CEBPE: variants seen among roughly 807,000 people sequenced by gnomAD.
The protein encoded by CEBPE is CCAAT/enhancer-binding protein epsilon.
A neutral mutation model predicts 20.4 loss-of-function variants in CEBPE; 10 were observed. That is an observed-to-expected ratio of 0.49 (90% CI 0.30 to 0.83). The LOEUF is 0.83. Among genes scored for constraint, CEBPE ranks in the 40% least tolerant of loss-of-function variants. The pLI, the probability that CEBPE is intolerant of heterozygous loss-of-function variation, is 0.06. For missense variants in CEBPE, 389 were observed against 383.3 expected (o/e 1.01, Z -0.12); for synonymous variants, 179 against 162.6 (o/e 1.10, Z -0.77).
In CEBPE at chr14:23,118,031, C is replaced by T. The variant is rs2048518277; in HGVS notation, c.511-209G>A. On this transcript the variant is annotated intron_variant, in intron 1 of 1. Transcript: ENST00000206513. The surrounding 1 kb of genome is among the most constrained non-coding windows in gnomAD (Gnocchi z 5.5). ...ATGCACAGGGTCCTCTGCTTGAGAC[C>T]AAAACTCCCTTTCATGTTCTCACAC... 6.6e-6 allele frequency among the ~76,000 whole-genome samples: 1 copy of T among 152,002 alleles called. No individual in the cohort carries two copies. Among genetic ancestry groups the T allele is most frequent in the Non-Finnish European group, 1.5e-5 (1 of 67,996 alleles).
Position 23,118,876 on chromosome 14 carries a change from G to A in CEBPE, c.216C>T (p.Pro72=), listed in dbSNP as rs200808733. 3.2e-5 allele frequency: 52 copies of A among 1,614,008 alleles called. No individual in the cohort carries two copies. Among genetic ancestry groups the A allele is most frequent in the Non-Finnish European group, 4.2e-5 (49 of 1,179,970 alleles). Residue 72 remains proline (P), a synonymous_variant, in exon 1 of 2, where the codon CCC becomes CCT. Transcript: ENST00000206513. This position sits in a 1 kb window ranked among gnomAD's most constrained non-coding sequence, Gnocchi z 5.5. ...AGTAGTGGGGGAAGGCAGGGGTTCC[G>A]GGGCCCTTGAGGCCTCTGGCCTCAG... is the stretch of plus-strand genomic sequence containing the variant. ...PAPEARGLKG[P]GTPAFPHYLP...
At chr14:23,117,891 G>T (rs746160407) in intron 1 of CEBPE, 69 bp from the exon 2 acceptor site, 130 of 1,287,054 alleles carry the variant, frequency 1.0e-4, no homozygotes, top group Middle Eastern at 2.5e-4. Flanking sequence ...GGCGGGGCGG[G>T]AATCTCGGCA....
Position 23,119,141 on chromosome 14 carries a change from C to T in CEBPE, c.-50G>A, listed in dbSNP as rs188219814. On this transcript the variant is annotated 5_prime_UTR_variant, in exon 1 of 2. Transcript: ENST00000206513. ...CGCCCCCACCTGCTCTTGAGGCACC[C>T]CTTGGGGTGCTCCGGCTGCCCTCTC... 7.5e-7 allele frequency: 1 copy of T among 1,324,804 alleles called. No individual in the cohort carries two copies. Among genetic ancestry groups the T allele is most frequent in the Non-Finnish European group, 1.0e-6 (1 of 954,990 alleles). The allele number at this position is 1,324,804 out of a possible 1,614,324, so 82.1% of individuals were successfully genotyped here.
In CEBPE at chr14:23,118,721, G is replaced by C. The variant is rs1383315220; in HGVS notation, c.371C>G (p.Pro124Arg). 1 of 1,613,414 alleles carries C rather than the reference G, an allele frequency of 6.2e-7. No individual in the cohort carries two copies. The highest frequency in any genetic ancestry group is 8.5e-7 in the Non-Finnish European group (1 of 1,179,870). ...DPRAVAVKEEPRGPEGSRAAS... is the reference protein window; with the variant it reads ...DPRAVAVKEERRGPEGSRAAS... ...AGCTCGGCTGCCCTCTGGCCCCCGG[G>C]GCTCCTCCTTCACCGCCACAGCCCT... Residue 124 changes from proline to arginine, a missense_variant, in exon 1 of 2, where the codon CCC becomes CGC. Around this residue, in one of 3 missense-constraint regions of CEBPE, gnomAD observed 294 missense variants for 279.7 expected, o/e 1.05. Coordinates refer to ENST00000206513, the MANE Select transcript of CEBPE (RefSeq NM_001805.4). This position sits in a 1 kb window ranked among gnomAD's most constrained non-coding sequence, Gnocchi z 5.5.
At position 23,117,781 on chromosome 14, in the gene CEBPE, CAGG is replaced by C. The variant is rs1326357258; in HGVS notation, c.549_551del (p.Leu184del). 6 of 1,611,810 alleles carry C rather than the reference CAGG, an allele frequency of 3.7e-6. No homozygotes were observed. The highest frequency in any genetic ancestry group is 5.1e-6 in the Non-Finnish European group (6 of 1,179,416). ...AGGGGCCAGCCGGGGAGGGCGCCTTCAGGAGGGGACTGCAGGGGGGTGCGGCAG... is the reference window on the plus strand; with the variant it reads ...AGGGGCCAGCCGGGGAGGGCGCCTTCAGGGGACTGCAGGGGGGTGCGGCAG... On this transcript the variant is annotated inframe_deletion, in exon 2 of 2. Coordinates refer to ENST00000206513, the MANE Select transcript of CEBPE (RefSeq NM_001805.4).
intron 1 of CEBPE, 97 bp from the exon 2 acceptor site, chr14:23,117,919 G>A: frequency 2.3e-6 from 2 of 882,956 alleles, no homozygotes; most frequent in African/African-American, 1.7e-5. Context: ...CACACTTGAT[G>A]CGTCAAAGGA....
Position 23,118,024 on chromosome 14 carries a change from T to C in CEBPE, c.511-202A>G, listed in dbSNP as rs964571530. On this transcript the variant is annotated intron_variant, in intron 1 of 1. Transcript: ENST00000206513. The surrounding 1 kb of genome is among the most constrained non-coding windows in gnomAD (Gnocchi z 5.5). ...GACCCAGATGCACAGGGTCCTCTGC[T>C]TGAGACCAAAACTCCCTTTCATGTT... Among the ~76,000 whole-genome samples the C allele has an allele frequency of 1.3e-5, 2 of 152,024 alleles. No homozygotes were observed. Among genetic ancestry groups the C allele is most frequent in the Admixed American group, 1.3e-4 (2 of 15,264 alleles).
At position 23,118,592 on chromosome 14, in the gene CEBPE, C is replaced by G. The variant is rs540261393; in HGVS notation, c.500G>C (p.Arg167Pro). 6.2e-7 allele frequency: 1 copy of G among 1,608,728 alleles called. No homozygotes were observed. ...CTGGCCTGCTCTTACCTTGAGAACG[C>G]GCAGAGGCTGGCCGGGTGCTGCCAG... ...PTLAAPGQPL[R>P]VLKAPLATAA... The change falls in exon 1 of 2, where the codon CGC becomes CCC. Residue 167 changes from arginine to proline, a missense_variant. Arg to Pro is a moderately radical substitution (Grantham distance 103). Around this residue, in one of 3 missense-constraint regions of CEBPE, gnomAD observed 294 missense variants for 279.7 expected, o/e 1.05. Transcript: ENST00000206513. The surrounding 1 kb of genome is among the most constrained non-coding windows in gnomAD (Gnocchi z 5.5).
chr14:23,117,580 C>T lies in CEBPE; in HGVS notation c.753G>A (p.Glu251=), dbSNP rs777380202. ...AENERLRSRV[E]QLTQELDTLR... ...GGGTGTCTAGCTCCTGGGTGAGCTG[C>T]TCCACGCGGCTGCGGAGGCGCTCGT... Residue 251 remains glutamate (E), a synonymous_variant, in exon 2 of 2, where the codon GAG becomes GAA. Transcript: ENST00000206513. The T allele has an allele frequency of 6.2e-7, 1 of 1,614,094 alleles. No individual in the cohort carries two copies. Among genetic ancestry groups the T allele is most frequent in the Non-Finnish European group, 8.5e-7 (1 of 1,180,038 alleles).
rs2048512864 is a variant in CEBPE at position 23,117,399 on chromosome 14, T to G, written c.*88A>C. On this transcript the variant is annotated 3_prime_UTR_variant, in exon 2 of 2. Transcript: ENST00000206513. Reference sequence around the variant, plus strand: ...GGTTGCCATTTATCCATGGTCTATGTCTCAGGGTTCTAGGCCCCCAGCAGG... The same window carrying G: ...GGTTGCCATTTATCCATGGTCTATGGCTCAGGGTTCTAGGCCCCCAGCAGG... The G allele has an allele frequency of 1.5e-5, 21 of 1,389,072 alleles. 1 individual carries two copies. The South Asian group carries it at 2.3e-4, about 15-fold the overall frequency. 86.0% of individuals were successfully genotyped at this position (1,389,072 alleles called of 1,614,324 possible). A position where few individuals can be genotyped will look rare whatever the true frequency, so the allele number is the denominator to read the frequency against.
rs1440739956 is a variant in CEBPE at position 23,117,607 on chromosome 14, C to T, written c.726G>A (p.Glu242=). Residue 242 remains glutamate (E), a synonymous_variant, in exon 2 of 2, where the codon GAG becomes GAA. Coordinates refer to ENST00000206513, the MANE Select transcript of CEBPE (RefSeq NM_001805.4). ...TQQKVLEYMA[E]NERLRSRVEQ... The stretch of plus-strand genomic sequence containing the variant: ...CCACGCGGCTGCGGAGGCGCTCGTT[C>T]TCTGCCATGTACTCCAGCACCTTCT... 2 of 1,614,184 alleles carry T rather than the reference C, an allele frequency of 1.2e-6. No individual in the cohort carries two copies. The highest frequency in any genetic ancestry group is 1.7e-5 in the Admixed American group (1 of 60,032).
Position 23,117,614 on chromosome 14 carries a change from A to T in CEBPE, c.719T>A (p.Met240Lys), listed in dbSNP as rs761948458. 6.2e-7 allele frequency: 1 copy of T among 1,614,154 alleles called. No homozygotes were observed. Among genetic ancestry groups the T allele is most frequent in the South Asian group, 1.1e-5 (1 of 91,086 alleles). The part of the protein sequence containing the change: ...LETQQKVLEY[M>K]AENERLRSRV... Reference sequence around the variant, plus strand: ...GCTGCGGAGGCGCTCGTTCTCTGCCATGTACTCCAGCACCTTCTGCTGCGT... The same window carrying T: ...GCTGCGGAGGCGCTCGTTCTCTGCCTTGTACTCCAGCACCTTCTGCTGCGT... The change falls in exon 2 of 2, where the codon ATG becomes AAG. Residue 240 changes from methionine (M) to lysine (K), a missense_variant. This residue lies in a region of CEBPE where 87 missense variants were observed against 78.5 expected (regional missense o/e 1.11). Coordinates refer to ENST00000206513, the MANE Select transcript of CEBPE (RefSeq NM_001805.4).
intron 1 of CEBPE, 61 bp from the exon 2 acceptor site, chr14:23,117,883 C>A (rs544526350): frequency 7.2e-7 from 1 of 1,396,640 alleles, no homozygotes. Flanking sequence ...AGAGCGGAGG[C>A]GGGGCGGGAA....
Position 23,117,833 on chromosome 14 carries a change from A to G in CEBPE, c.511-11T>C, listed in dbSNP as rs545257637. 2 of 1,586,112 alleles carry G rather than the reference A, an allele frequency of 1.3e-6. No homozygotes were observed. Among genetic ancestry groups the G allele is most frequent in the Non-Finnish European group, 1.7e-6 (2 of 1,165,640 alleles). ...AGTGGCCAAAGGGGCCTGGAGGGGAAGGCACGGAGAGACGGAGAGGTGAGG... is the reference window on the plus strand; with the variant it reads ...AGTGGCCAAAGGGGCCTGGAGGGGAGGGCACGGAGAGACGGAGAGGTGAGG... On this transcript the variant is annotated splice_polypyrimidine_tract_variant and intron_variant, in intron 1 of 1. Transcript: ENST00000206513.
Position 23,118,522 on chromosome 14 carries a change from C to G in CEBPE, c.510+60G>C. ...AGCAGCATGAGCCGGGGCACAGGGT[C>G]CTGTCCACACCAGCCTCTCCAGCCC... On this transcript the variant is annotated intron_variant, in intron 1 of 1. Coordinates refer to ENST00000206513, the MANE Select transcript of CEBPE (RefSeq NM_001805.4). This position sits in a 1 kb window ranked among gnomAD's most constrained non-coding sequence, Gnocchi z 5.5. 6.5e-7 allele frequency: 1 copy of G among 1,546,208 alleles called. No homozygotes were observed. The highest frequency in any genetic ancestry group is 1.2e-5 in the South Asian group (1 of 84,848).
In CEBPE at chr14:23,117,342, A is replaced by G. The variant is rs1293199271; in HGVS notation, c.*145T>C. On this transcript the variant is annotated 3_prime_UTR_variant, in exon 2 of 2. Coordinates refer to ENST00000206513, the MANE Select transcript of CEBPE (RefSeq NM_001805.4). ...TGCAACTTTATTCAGCCATATAATCATTATGCTGGGTCCTGCCCTCTTTGC... is the reference window on the plus strand; with the variant it reads ...TGCAACTTTATTCAGCCATATAATCGTTATGCTGGGTCCTGCCCTCTTTGC... The G allele has an allele frequency of 2.6e-6, 2 of 772,276 alleles. No individual in the cohort carries two copies. The highest frequency in any genetic ancestry group is 2.2e-5 in the Admixed American group (1 of 45,468). The allele number at this position is 772,276 out of a possible 1,614,324, so 47.8% of individuals were successfully genotyped here.
Position 23,117,421 on chromosome 14 carries a change from C to A in CEBPE, c.*66G>T. On this transcript the variant is annotated 3_prime_UTR_variant, in exon 2 of 2. Coordinates refer to ENST00000206513, the MANE Select transcript of CEBPE (RefSeq NM_001805.4). ...ATGTCTCAGGGTTCTAGGCCCCCAG[C>A]AGGATGGGGGTCCGCAGAGTTAGGC... 6.6e-7 allele frequency: 1 copy of A among 1,520,212 alleles called. No individual in the cohort carries two copies. The allele number at this position is 1,520,212 out of a possible 1,614,324, so 94.2% of individuals were successfully genotyped here.
rs137857228 is a variant in CEBPE at position 23,117,799 on chromosome 14, G to T, written c.534C>A (p.Pro178=). Residue 178 remains proline, a synonymous_variant, in exon 2 of 2, where the codon CCC becomes CCA. Coordinates refer to ENST00000206513, the MANE Select transcript of CEBPE (RefSeq NM_001805.4). The stretch of plus-strand genomic sequence containing the variant: ...GCGCCTTCAGGAGGGGACTGCAGGG[G>T]GGTGCGGCAGTGGCCAAAGGGGCCT... ...VLKAPLATAA[P]PCSPLLKAPS... The T allele has an allele frequency of 6.1e-5, 98 of 1,607,094 alleles. No homozygotes were observed. Among genetic ancestry groups the T allele is most frequent in the Non-Finnish European group, 8.2e-5 (96 of 1,177,124 alleles).
rs1386641623 is a variant in CEBPE, at chr14:23,117,559, G to A, written c.774C>T (p.Asp258=). 1 of 1,614,040 alleles carries A rather than the reference G, an allele frequency of 6.2e-7. No individual in the cohort carries two copies. Residue 258 remains aspartate (D), a synonymous_variant, in exon 2 of 2, where the codon GAC becomes GAT. Transcript: ENST00000206513. ...SRVEQLTQEL[D]TLRNLFRQIP... ...TCTGGCGGAAGAGGTTGCGGAGGGT[G>A]TCTAGCTCCTGGGTGAGCTGCTCCA...
Sources: gnomAD v4.1 joint callset for allele counts (sites outside exome capture counted in the v4.1 genomes callset) on GRCh38, gnomAD v4.1.1 for gene constraint, gnomAD v4.1.1 regional missense constraint, Gnocchi (gnomAD v3.1) non-coding constraint, MANE v1.5 for transcripts, NCBI Gene and HGNC (gene_info 2026-07-23, HGNC 2026-07-21) for gene names.